Variants in ALG8 observed in about 807,000 individuals in gnomAD.
ALG8 encodes dolichyl pyrophosphate Glc1Man9GlcNAc2 alpha-1,3-glucosyltransferase.
A neutral mutation model predicts 70.2 loss-of-function variants in ALG8; 48 were observed. The ratio of observed to expected loss-of-function variants is 0.68; its 90% CI spans 0.54 to 0.87. The LOEUF is 0.87. ALG8 is among the 40% of genes least tolerant of loss of function. The pLI is 0.00. For missense variants in ALG8, 572 were observed against 608.7 expected (o/e 0.94, Z 0.64); for synonymous variants, 234 against 229.0 (o/e 1.02, Z -0.20).
chr11:78,127,170 G>C (rs1014477733), intron 2 of ALG8, among the ~76,000 whole-genome samples, 188 bp downstream of exon 2: 5 of 151,962 alleles, frequency 3.3e-5, no homozygotes, highest in Non-Finnish European at 4.4e-5. Flanking sequence ...GTAGAGACAG[G>C]GTTTCACTGT....
At chr11:78,117,856 C>T (rs1009420249) in intron 5 of ALG8, among the ~76,000 whole-genome samples, 50 of 151,500 alleles carry the variant, frequency 3.3e-4, no homozygotes, top group African/African-American at 1.2e-3. Context: ...GGGCAGATCA[C>T]GAGGTCAGGA....
At chr11:78,113,844 A>G (rs781329791) in intron 7 of ALG8, 42 bp downstream of exon 7, 1 of 1,433,310 alleles carries the variant, frequency 7.0e-7, no homozygotes, top group Non-Finnish European at 9.5e-7. Flanking sequence ...AACACCAACA[A>G]AGAACATGTA....
At chr11:78,122,827 G>T (rs1025015583) in intron 3 of ALG8, among the ~76,000 whole-genome samples, 2 of 150,856 alleles carry the variant, frequency 1.3e-5, no homozygotes, top group Admixed American at 6.6e-5. Context: ...TGAAAGGAAG[G>T]GTTTCAAACA....
chr11:78,110,349 GC>G (rs1293742411), intron 8 of ALG8, among the ~76,000 whole-genome samples: 2 of 152,096 alleles, frequency 1.3e-5, no homozygotes, highest in African/African-American at 4.8e-5. Context: ...GTGCCACCAT[GC>G]CCGGCTAATT....
intron 3 of ALG8, among the ~76,000 whole-genome samples, chr11:78,123,074 G>A (rs142540254): frequency 0.031 from 4,713 of 152,086 alleles, 245 homozygotes; most frequent in African/African-American, 0.11. Context: ...TTGGGAGGCC[G>A]AGGCGGGTGG....
rs1256074324 is a variant in ALG8 at position 78,138,381 on chromosome 11, AC to A, written c.95+1112del. On this transcript the variant is annotated intron_variant, in intron 1 of 12. Transcript: ENST00000299626. Reference sequence around the variant, plus strand: ...AAAAAAAAAATAACAAACAAAAAAAACAACTCTGAGGATACATTTCTAGCCT... The same window carrying A: ...AAAAAAAAAATAACAAACAAAAAAAAAACTCTGAGGATACATTTCTAGCCT... Among the ~76,000 whole-genome samples, 6 of 151,984 alleles carry A rather than the reference AC, an allele frequency of 3.9e-5. No homozygotes were observed. In the South Asian group the frequency reaches 1.3e-3, roughly 32 times the overall value.
intron 12 of ALG8, among the ~76,000 whole-genome samples, chr11:78,101,629 TAAA>T (rs1177356901): frequency 6.6e-6 from 1 of 151,788 alleles, no homozygotes; most frequent in Non-Finnish European, 1.5e-5. Flanking sequence ...AAAAAATAAA[TAAA>T]AATAAAAAAT....
intron 4 of ALG8, 145 bp downstream of exon 4, chr11:78,120,920 C>T (rs1032075275): frequency 5.4e-6 from 4 of 737,144 alleles, no homozygotes; most frequent in Non-Finnish European, 9.3e-6. Context: ...TGGGCAGAGA[C>T]CACAGTTAAG....
intron 2 of ALG8, among the ~76,000 whole-genome samples, chr11:78,125,370 G>T (rs902121921): frequency 4.6e-5 from 7 of 151,810 alleles, no homozygotes; most frequent in Non-Finnish European, 1.0e-4. Context: ...AGGGATAGTA[G>T]TATCTACCTC....
At chr11:78,137,075 A>G (rs1217449024) in intron 1 of ALG8, among the ~76,000 whole-genome samples, 1 of 151,972 alleles carries the variant, frequency 6.6e-6, no homozygotes, top group East Asian at 1.9e-4. Flanking sequence ...CTAATTTTGT[A>G]TTTTTAGTAG....
chr11:78,104,488 G>A (rs1482703043), intron 10 of ALG8, 35 bp from the exon 11 acceptor site: 24 of 1,528,620 alleles, frequency 1.6e-5, no homozygotes, highest in Non-Finnish European at 2.1e-5. Context: ...AACAACAACT[G>A]TTATTACACT....
intron 12 of ALG8, among the ~76,000 whole-genome samples, chr11:78,101,784 G>A (rs1174102185): frequency 6.6e-6 from 1 of 152,080 alleles, no homozygotes; most frequent in Non-Finnish European, 1.5e-5. Context: ...GAGGTAAAGG[G>A]GTTGGGTGCT....
intron 2 of ALG8, among the ~76,000 whole-genome samples, chr11:78,126,357 C>A (rs564329380): frequency 6.6e-6 from 1 of 151,216 alleles, no homozygotes; most frequent in South Asian, 2.1e-4. Context: ...ATGGGGAAAC[C>A]CCCTCTTTAC....
chr11:78,108,157 G>GT (rs1240347825), intron 9 of ALG8, among the ~76,000 whole-genome samples: 3 of 152,138 alleles, frequency 2.0e-5, no homozygotes, highest in African/African-American at 7.2e-5. Context: ...GTGCATGCCT[G>GT]TAGTTCCAGC....
intron 9 of ALG8, 22 bp from the exon 10 acceptor site, chr11:78,106,968 A>G (rs751021064): frequency 6.2e-7 from 1 of 1,613,520 alleles, no homozygotes; most frequent in Non-Finnish European, 8.5e-7. Flanking sequence ...AGGCAAAGAT[A>G]AACTTCAGTA....
chr11:78,131,206 TA>T (rs1861295412), intron 1 of ALG8, among the ~76,000 whole-genome samples: 1 of 151,930 alleles, frequency 6.6e-6, no homozygotes, highest in Non-Finnish European at 1.5e-5. Context: ...CACCCATCAG[TA>T]AAAGTAATCT....
intron 2 of ALG8, among the ~76,000 whole-genome samples, chr11:78,125,275 G>A (rs1261696322): frequency 2.0e-5 from 3 of 151,590 alleles, no homozygotes; most frequent in South Asian, 2.1e-4. Context: ...TTCGTGATCC[G>A]CCCACTTCGG....
At chr11:78,129,662 CTCACAAGTA>C (rs1324774592) in intron 1 of ALG8, among the ~76,000 whole-genome samples, 2 of 152,166 alleles carry the variant, frequency 1.3e-5, no homozygotes, top group African/African-American at 4.8e-5. Context: ...CACTCATTCT[CTCACAAGTA>C]TACAGTGATG....
At chr11:78,113,607 G>T (rs1040837991) in intron 7 of ALG8, among the ~76,000 whole-genome samples, 1 of 151,826 alleles carries the variant, frequency 6.6e-6, no homozygotes, top group African/African-American at 2.4e-5. Flanking sequence ...CACCTACTCA[G>T]GAGGCTGAGA....
Sources: allele counts gnomAD v4.1 joint callset (sites outside exome capture counted in the v4.1 genomes callset), GRCh38; gene constraint gnomAD v4.1.1; transcripts MANE v1.5; gene names NCBI Gene and HGNC (gene_info 2026-07-23, HGNC 2026-07-21).